Variants in OCA2 observed in about 807,000 individuals in gnomAD.
OCA2 encodes OCA2 melanosomal transmembrane protein, also known as P protein.
OCA2 carries 77 observed loss-of-function variants against 100.2 expected under a neutral mutation model. That is an observed-to-expected ratio of 0.77 (90% CI 0.64 to 0.93). The LOEUF (loss-of-function observed/expected upper bound fraction) is 0.93. Ranked by LOEUF, OCA2 falls within the 40% of genes least tolerant of loss-of-function variation. OCA2 has a pLI of 0.00. For synonymous variants in OCA2, 432 were observed against 439.2 expected (o/e 0.98, Z 0.21); for missense variants, 1,062 against 1,089.1 (o/e 0.98, Z 0.35).
chr15:27,749,494 A>C, the OCA2 span, among the ~76,000 whole-genome samples: 2 of 152,214 alleles, frequency 1.3e-5, no homozygotes, highest in African/African-American at 4.8e-5. Flanking sequence ...TAGCCACCAG[A>C]ATAAGGCAAA....
chr15:28,082,445 T>G (rs2044673872), intron 1 of OCA2, among the ~76,000 whole-genome samples: 1 of 152,096 alleles, frequency 6.6e-6, no homozygotes, highest in Non-Finnish European at 1.5e-5. Context: ...TTGAAGTCAG[T>G]GAGAGCAAGA....
At chr15:28,067,569 T>A (rs2044064359) in intron 2 of OCA2, among the ~76,000 whole-genome samples, 1 of 152,188 alleles carries the variant, frequency 6.6e-6, no homozygotes, top group South Asian at 2.1e-4. Context: ...CATTTTTTAT[T>A]TCTACCTTAA....
chr15:27,887,760 A>G (rs1595579204), intron 19 of OCA2, among the ~76,000 whole-genome samples: 2 of 151,228 alleles, frequency 1.3e-5, no homozygotes, highest in East Asian at 4.0e-4. Context: ...GCATTTCCAG[A>G]CCAACTCCCA....
chr15:27,886,090 T>A (rs954538732), intron 19 of OCA2, among the ~76,000 whole-genome samples: 1 of 152,100 alleles, frequency 6.6e-6, no homozygotes, highest in South Asian at 2.1e-4. Flanking sequence ...GGGAAGAGCA[T>A]CCCACGTAGA....
At chr15:28,095,192 T>G (rs2044951354) in intron 1 of OCA2, among the ~76,000 whole-genome samples, 1 of 152,108 alleles carries the variant, frequency 6.6e-6, no homozygotes. Flanking sequence ...GCATGGTGGG[T>G]CTGCGGGACT....
At chr15:28,005,420 C>G (rs1003350717) in intron 9 of OCA2, among the ~76,000 whole-genome samples, 7 of 152,202 alleles carry the variant, frequency 4.6e-5, no homozygotes, top group Non-Finnish European at 7.3e-5. Flanking sequence ...CCACCCTCCT[C>G]TGGTCCTGCA....
Position 27,785,185 on chromosome 15 carries a change from G to GA in OCA2, c.2433-29714dup, listed in dbSNP as rs1456055122. On this transcript the variant is annotated intron_variant, in intron 23 of 23. Coordinates refer to ENST00000354638, the MANE Select transcript of OCA2 (RefSeq NM_000275.3). ...TAGGGTGACACCTTTGGAGTATTAG[G>GA]AAAAAAATATGTCAACACAAAATTC... Among the ~76,000 whole-genome samples, 5 of 151,952 alleles carry GA rather than the reference G, an allele frequency of 3.3e-5. No homozygotes were observed. The South Asian group carries it at 8.3e-4, about 25-fold the overall frequency.
chr15:27,850,617 T>C (rs572432819), intron 22 of OCA2, among the ~76,000 whole-genome samples: 12 of 152,272 alleles, frequency 7.9e-5, no homozygotes, highest in African/African-American at 2.6e-4. Flanking sequence ...CTGAATGACA[T>C]TAATCCCCCT....
chr15:28,071,604 A>G (rs1481195700), intron 2 of OCA2, among the ~76,000 whole-genome samples: 4 of 152,178 alleles, frequency 2.6e-5, no homozygotes, highest in African/African-American at 9.7e-5. Context: ...GAAAACTCAT[A>G]AATAAAACCT....
In OCA2 at chr15:27,871,198, G is replaced by A. The variant is rs1360008696; in HGVS notation, c.2200C>T (p.Leu734=). The A allele has an allele frequency of 6.2e-7, 1 of 1,614,000 alleles. No homozygotes were observed. The highest frequency in any genetic ancestry group is 1.7e-5 in the Admixed American group (1 of 59,992). ...AIVLVVWVSA[L]ASSLIDNIPF... ...ATGTTGTCAATCAGGGACGACGCCA[G>A]GGCTGAGACCCACACCACCAGGACA... The change falls in exon 21 of 24, where the codon CTG becomes TTG. Residue 734 remains leucine, a synonymous_variant. Transcript: ENST00000354638.
At chr15:27,844,863 T>A in intron 23 of OCA2, 96 bp downstream of exon 23, 1 of 898,060 alleles carries the variant, frequency 1.1e-6, no homozygotes, top group Non-Finnish European at 1.8e-6. Context: ...TTGCTAAAAA[T>A]ATGCTTATTT....
chr15:27,910,531 G>C (rs1043550230), intron 19 of OCA2, among the ~76,000 whole-genome samples: 1 of 152,118 alleles, frequency 6.6e-6, no homozygotes, highest in Non-Finnish European at 1.5e-5. Flanking sequence ...AACTGATTAG[G>C]AGTGATTTCC....
intron 23 of OCA2, among the ~76,000 whole-genome samples, chr15:27,831,685 C>T (rs1223571876): frequency 1.3e-5 from 2 of 152,180 alleles, no homozygotes; most frequent in East Asian, 3.9e-4. Context: ...CTGCCTGCAG[C>T]CGTTCTCTAT....
Position 28,014,791 on chromosome 15 carries a change from C to T in OCA2, c.1029G>A (p.Ala343=), listed in dbSNP as rs781406534. The T allele has an allele frequency of 1.2e-5, 20 of 1,613,472 alleles. No homozygotes were observed. In the South Asian group the frequency reaches 1.5e-4, roughly 12 times the overall value. ...IATAILAGVY[A]LIIFEIVHRT... ...TGAAAGTTACCTCAAATATGATCAGCGCGTAGACGCCCGCGAGGATGGCCG... is the reference window on the plus strand; with the variant it reads ...TGAAAGTTACCTCAAATATGATCAGTGCGTAGACGCCCGCGAGGATGGCCG... The change falls in exon 9 of 24, where the codon GCG becomes GCA. Residue 343 remains alanine, a synonymous_variant. Transcript: ENST00000354638.
chr15:28,007,584 G>C (rs1006843422), intron 9 of OCA2, among the ~76,000 whole-genome samples: 2 of 152,062 alleles, frequency 1.3e-5, no homozygotes, highest in African/African-American at 4.8e-5. Context: ...CAAAAAATTA[G>C]CCGGGGGTGG....
intron 1 of OCA2, among the ~76,000 whole-genome samples, chr15:28,084,744 G>C (rs747135677): frequency 6.6e-6 from 1 of 152,142 alleles, no homozygotes; most frequent in African/African-American, 2.4e-5. Context: ...TGCTGGCTGT[G>C]GGCCAGCAAG....
At chr15:27,853,774 C>T (rs559422521) in intron 21 of OCA2, among the ~76,000 whole-genome samples, 18 of 152,072 alleles carry the variant, frequency 1.2e-4, no homozygotes, top group South Asian at 1.0e-3. Context: ...CCCGCCATCC[C>T]GGGCAGTTGC....
intron 23 of OCA2, among the ~76,000 whole-genome samples, chr15:27,819,522 T>C (rs2034426582): frequency 6.6e-6 from 1 of 152,180 alleles, no homozygotes; most frequent in African/African-American, 2.4e-5. Context: ...GAAACTGATA[T>C]ACATAGTACT....
chr15:27,976,644 G>T (rs939753436), intron 14 of OCA2, among the ~76,000 whole-genome samples: 6 of 151,896 alleles, frequency 4.0e-5, no homozygotes, highest in African/African-American at 9.7e-5. Flanking sequence ...TTGTTAAATT[G>T]GATTTACTAA....
Sources: gnomAD v4.1 joint callset for allele counts (sites outside exome capture counted in the v4.1 genomes callset) on GRCh38, gnomAD v4.1.1 for gene constraint, MANE v1.5 for transcripts, NCBI Gene and HGNC (gene_info 2026-07-23, HGNC 2026-07-21) for gene names.